The following PKHD1 variants were observed in gnomAD, a reference collection of about 807,000 sequenced individuals.
PKHD1 encodes fibrocystin.
A neutral mutation model predicts 412.0 loss-of-function variants in PKHD1; 291 were observed. The ratio of observed to expected loss-of-function variants is 0.71; its 90% confidence interval spans 0.64 to 0.78. PKHD1 has a LOEUF of 0.78. Among genes scored for constraint, PKHD1 ranks in the 30% least tolerant of loss-of-function variants. The pLI is 0.00. For missense variants in PKHD1, 4,825 were observed against 4,950.7 expected (o/e 0.97, Z 0.76); for synonymous variants, 1,777 against 1,821.5 (o/e 0.98, Z 0.62).
At chr6:51,670,660 T>G (rs1774779576) in intron 60 of PKHD1, among the ~76,000 whole-genome samples, 1 of 152,184 alleles carries the variant, frequency 6.6e-6, no homozygotes, top group Non-Finnish European at 1.5e-5. Context: ...CTTTACAATT[T>G]GGCATGATTT....
intron 35 of PKHD1, among the ~76,000 whole-genome samples, chr6:51,960,494 G>A (rs1252430108): frequency 6.6e-6 from 1 of 152,064 alleles, no homozygotes; most frequent in African/African-American, 2.4e-5. Flanking sequence ...CTGCTTGATG[G>A]GTGGCATTTT....
chr6:51,858,548 A>G (rs930213682), intron 48 of PKHD1, among the ~76,000 whole-genome samples: 4 of 152,202 alleles, frequency 2.6e-5, no homozygotes, highest in African/African-American at 9.7e-5. Flanking sequence ...GAATGATTAT[A>G]AGTGTTTCAG....
intron 60 of PKHD1, among the ~76,000 whole-genome samples, chr6:51,687,254 G>A (rs1777560278): frequency 1.3e-5 from 2 of 151,740 alleles, no homozygotes; most frequent in African/African-American, 4.8e-5. Flanking sequence ...AGGGCACAGA[G>A]AAAGAATACA....
At position 52,058,348 on chromosome 6, in the gene PKHD1, C is replaced by T. The variant is rs181391485; in HGVS notation, c.1487G>A (p.Arg496Gln). 2.7e-5 allele frequency: 43 copies of T among 1,614,120 alleles called. No homozygotes were observed. The East Asian group carries it at 8.9e-4, about 33-fold the overall frequency. ...YLREKHQIRV[R>Q]AQRLPEVQVL... The stretch of plus-strand genomic sequence containing the variant: ...CTGTACTTCTGGAAGCCTCTGGGCT[C>T]GGACTCGGATCTGGTGCTTCTCCCG... The change falls in exon 16 of 67, where the codon CGA becomes CAA. Residue 496 changes from arginine to glutamine, a missense_variant. Physicochemically the swap from Arg to Gln is conservative, Grantham distance 43 (BLOSUM62 1). Coordinates refer to ENST00000371117, the MANE Select transcript of PKHD1 (RefSeq NM_138694.4).
rs201176305 is a variant in PKHD1, at chr6:51,856,089, G to GAA, written c.7734-21_7734-20dup. 1,693 of 1,448,334 alleles carry GAA rather than the reference G, an allele frequency of 1.2e-3. 2 individuals carry two copies. Among genetic ancestry groups the GAA allele is most frequent in the Middle Eastern group, 3.0e-3 (17 of 5,748 alleles). The allele number at this position is 1,448,334 out of a possible 1,614,324, so 89.7% of individuals were successfully genotyped here. On this transcript the variant is annotated intron_variant, in intron 48 of 66. Coordinates refer to ENST00000371117, the MANE Select transcript of PKHD1 (RefSeq NM_138694.4). ...ATTCGCTCTAAGGTGATTTTAAAAG[G>GAA]AAAAAAAATGGGTTGAGAGATTATT...
At chr6:51,648,197 C>A (rs1770380429) in intron 62 of PKHD1, 79 bp from the exon 63 acceptor site, 1 of 791,238 alleles carries the variant, frequency 1.3e-6, no homozygotes, top group South Asian at 1.4e-5. Flanking sequence ...AAAGATGGAT[C>A]AGATATTTGC....
chr6:51,837,103 C>G (rs938466905), intron 50 of PKHD1, among the ~76,000 whole-genome samples: 3 of 152,164 alleles, frequency 2.0e-5, no homozygotes, highest in Non-Finnish European at 4.4e-5. Context: ...AACATATGCT[C>G]CTTTGCCAAG....
intron 59 of PKHD1, among the ~76,000 whole-genome samples, chr6:51,745,711 AAAAT>A (rs2150968511): frequency 6.6e-6 from 1 of 152,304 alleles, no homozygotes; most frequent in African/African-American, 2.4e-5. Context: ...CTCCAAAAAT[AAAAT>A]AAATAAATTT....
chr6:51,787,891 C>G (rs1401257227), intron 53 of PKHD1, among the ~76,000 whole-genome samples: 12 of 152,108 alleles, frequency 7.9e-5, no homozygotes. Flanking sequence ...AAGATATCAA[C>G]TGGAAATAAG....
chr6:52,062,384 C>G, intron 14 of PKHD1, 135 bp downstream of exon 14: 1 of 941,880 alleles, frequency 1.1e-6, no homozygotes, highest in Non-Finnish European at 1.7e-6. Flanking sequence ...AGAATACTGT[C>G]AAACTCTGTT....
chr6:51,687,724 T>C (rs1316460091), intron 60 of PKHD1, among the ~76,000 whole-genome samples: 1 of 152,238 alleles, frequency 6.6e-6, no homozygotes, highest in Non-Finnish European at 1.5e-5. Flanking sequence ...CATCTGTGTC[T>C]AATGTTCTTG....
chr6:51,848,479 C>T (rs1020337882), intron 49 of PKHD1, among the ~76,000 whole-genome samples: 27 of 152,294 alleles, frequency 1.8e-4, no homozygotes, highest in African/African-American at 6.0e-4. Flanking sequence ...CTCTTACTGT[C>T]CCATTTTTAC....
At chr6:51,928,686 G>A (rs1417082131) in intron 37 of PKHD1, among the ~76,000 whole-genome samples, 1 of 152,028 alleles carries the variant, frequency 6.6e-6, no homozygotes, top group East Asian at 1.9e-4. Context: ...TCCTTTCTTT[G>A]GTAGTAGAAA....
At chr6:52,085,858 C>T (rs962417200) in intron 1 of PKHD1, among the ~76,000 whole-genome samples, 9 of 151,966 alleles carry the variant, frequency 5.9e-5, no homozygotes, top group Admixed American at 5.2e-4. Context: ...CTCATGCCTG[C>T]TCTAAGGAAA....
chr6:51,807,521 G>GTGTA (rs1349697144), intron 52 of PKHD1, among the ~76,000 whole-genome samples: 43 of 142,760 alleles, frequency 3.0e-4, no homozygotes, highest in Admixed American at 1.8e-3. Flanking sequence ...GTGTGTGTGT[G>GTGTA]TATCCATCTA....
chr6:51,734,846 C>T (rs1783647836), intron 60 of PKHD1, among the ~76,000 whole-genome samples: 1 of 152,164 alleles, frequency 6.6e-6, no homozygotes, highest in Non-Finnish European at 1.5e-5. Flanking sequence ...AAGTAATCGA[C>T]ACACGATTTA....
At chr6:51,798,306 G>T (rs747195010) in intron 52 of PKHD1, among the ~76,000 whole-genome samples, 1 of 150,902 alleles carries the variant, frequency 6.6e-6, no homozygotes, top group African/African-American at 2.4e-5. Context: ...TTGAACCCAG[G>T]AGACAGAGTT....
At chr6:51,981,606 C>T (rs1425840101) in intron 35 of PKHD1, among the ~76,000 whole-genome samples, 1 of 110,196 alleles carries the variant, frequency 9.1e-6, no homozygotes, top group East Asian at 2.7e-4. Context: ...GACGGAGTCT[C>T]GTTCACTCAG....
intron 52 of PKHD1, among the ~76,000 whole-genome samples, chr6:51,795,635 G>T (rs1015257960): frequency 6.6e-6 from 1 of 152,118 alleles, no homozygotes; most frequent in Non-Finnish European, 1.5e-5. Context: ...TCTGGCTTTT[G>T]CCCATTCAAT....
Sources: allele counts gnomAD v4.1 joint callset (sites outside exome capture counted in the v4.1 genomes callset), GRCh38; gene constraint gnomAD v4.1.1; transcripts MANE v1.5; gene names NCBI Gene and HGNC (gene_info 2026-07-23, HGNC 2026-07-21).